Variants in EPHA3 observed in about 807,000 individuals in gnomAD.
The protein encoded by EPHA3 is EPH receptor A3.
Under a neutral mutation model 107.1 loss-of-function variants are expected in EPHA3, and 42 were observed. That is an observed-to-expected ratio of 0.39 (90% confidence interval 0.31 to 0.51). The LOEUF is 0.51. Ranked by LOEUF, EPHA3 falls within the 20% of genes least tolerant of loss-of-function variation. The pLI, the probability that EPHA3 is intolerant of heterozygous loss-of-function variation, is 0.78. For missense variants in EPHA3, 1,183 were observed against 1,211.2 expected (o/e 0.98, Z 0.35); for synonymous variants, 461 against 424.8 (o/e 1.09, Z -1.05).
At chr3:89,352,155 G>A (rs1381710319) in intron 5 of EPHA3, among the ~76,000 whole-genome samples, 2 of 151,086 alleles carry the variant, frequency 1.3e-5, no homozygotes, top group Admixed American at 6.6e-5. Flanking sequence ...CTATAATGAA[G>A]GAATTCCTAT....
intron 2 of EPHA3, among the ~76,000 whole-genome samples, chr3:89,183,567 C>T (rs1490427395): frequency 6.6e-6 from 1 of 151,876 alleles, no homozygotes; most frequent in Non-Finnish European, 1.5e-5. Flanking sequence ...GCCTAAAGTT[C>T]TGAAGTACTC....
chr3:89,459,927 G>C (rs2107564929), intron 15 of EPHA3, among the ~76,000 whole-genome samples: 1 of 152,170 alleles, frequency 6.6e-6, no homozygotes, highest in Non-Finnish European at 1.5e-5. Context: ...CCAACACATT[G>C]TTTTGTACAT....
At chr3:89,252,787 G>C (rs1705194225) in intron 3 of EPHA3, among the ~76,000 whole-genome samples, 1 of 151,282 alleles carries the variant, frequency 6.6e-6, no homozygotes, top group African/African-American at 2.4e-5. Context: ...GTCAACATCA[G>C]ATACAATATG....
At chr3:89,302,877 A>G (rs1005687805) in intron 3 of EPHA3, among the ~76,000 whole-genome samples, 2 of 151,878 alleles carry the variant, frequency 1.3e-5, no homozygotes, top group African/African-American at 4.8e-5. Context: ...GTAACACTTG[A>G]ACTTATTCTT....
intron 1 of EPHA3, among the ~76,000 whole-genome samples, chr3:89,112,598 A>T (rs914279346): frequency 6.6e-6 from 1 of 152,050 alleles, no homozygotes; most frequent in African/African-American, 2.4e-5. Context: ...TAAAGGCAAA[A>T]TATATTTCCA....
At position 89,450,265 on chromosome 3, in the gene EPHA3, A is replaced by G; in HGVS notation, c.2585A>G (p.Gln862Arg). 1 of 1,614,060 alleles carries G rather than the reference A, an allele frequency of 6.2e-7. No individual in the cohort carries two copies. Among genetic ancestry groups the G allele is most frequent in the East Asian group, 2.2e-5 (1 of 44,860 alleles). The part of the protein sequence containing the change: ...ALYQLMLDCW[Q>R]KDRNNRPKFE... ...TATCAGCTGATGCTGGACTGCTGGC[A>G]GAAAGACAGGAACAACAGACCCAAG... Residue 862 changes from glutamine (Q) to arginine (R), a missense_variant, in exon 15 of 17, where the codon CAG becomes CGG. Gln to Arg is a conservative substitution (Grantham distance 43, BLOSUM62 1). Transcript: ENST00000336596.
At position 89,341,741 on chromosome 3, in the gene EPHA3, G is replaced by C; in HGVS notation, c.971-14G>C. The C allele has an allele frequency of 6.3e-7, 1 of 1,585,462 alleles. No individual in the cohort carries two copies. Among genetic ancestry groups the C allele is most frequent in the East Asian group, 2.2e-5 (1 of 44,628 alleles). On this transcript the variant is annotated splice_polypyrimidine_tract_variant and intron_variant, in intron 4 of 16. Transcript: ENST00000336596. ...GAAGTGAGGCTCATTAATCTTTGTT[G>C]AACTACTTTGCAGGACCTCCATCTT...
At chr3:89,208,462 GA>G (rs372677692) in intron 2 of EPHA3, among the ~76,000 whole-genome samples, 52 of 104,456 alleles carry the variant, frequency 5.0e-4, no homozygotes, top group Non-Finnish European at 6.6e-4. Flanking sequence ...AAGAAAGAAA[GA>G]AAGAAAGAAA....
chr3:89,341,716 G>A, intron 4 of EPHA3, 39 bp from the exon 5 acceptor site: 1 of 1,487,274 alleles, frequency 6.7e-7, no homozygotes. Flanking sequence ...GTAGAAAACA[G>A]AAGTGAGGCT....
At chr3:89,408,009 A>T in intron 8 of EPHA3, 58 bp from the exon 9 acceptor site, 13 of 1,476,284 alleles carry the variant, frequency 8.8e-6, no homozygotes, top group Non-Finnish European at 1.2e-5. Flanking sequence ...TTCTGAGCAT[A>T]GGTAACTATT....
chr3:89,142,131 C>T (rs1168793168), intron 2 of EPHA3, among the ~76,000 whole-genome samples: 2 of 151,246 alleles, frequency 1.3e-5, no homozygotes, highest in Admixed American at 6.6e-5. Context: ...ATACTCATGA[C>T]ATTTGGTTGA....
At position 89,178,456 on chromosome 3, in the gene EPHA3, A is replaced by G. The variant is rs565332555; in HGVS notation, c.154-31404A>G. Among the ~76,000 whole-genome samples the G allele has an allele frequency of 4.6e-5, 7 of 152,144 alleles. No individual in the cohort carries two copies. The East Asian group carries it at 1.2e-3, about 25-fold the overall frequency. ...AATAGGAGTCTGGCTGTGGAGTTAT[A>G]TGTCATAGCAAAGATGTACCAACTG... is the stretch of plus-strand genomic sequence containing the variant. On this transcript the variant is annotated intron_variant, in intron 2 of 16. Transcript: ENST00000336596.
intron 15 of EPHA3, among the ~76,000 whole-genome samples, chr3:89,467,547 G>A (rs1024206619): frequency 6.6e-6 from 1 of 152,120 alleles, no homozygotes; most frequent in South Asian, 2.1e-4. Context: ...TTCTAAGGTA[G>A]CATTGAAATA....
intron 2 of EPHA3, among the ~76,000 whole-genome samples, chr3:89,152,643 G>C (rs1309358811): frequency 6.6e-6 from 1 of 151,990 alleles, no homozygotes; most frequent in Non-Finnish European, 1.5e-5. Flanking sequence ...AAAAGAACGT[G>C]CTTACATTTT....
At chr3:89,279,029 C>T (rs1293953573) in intron 3 of EPHA3, among the ~76,000 whole-genome samples, 1 of 151,908 alleles carries the variant, frequency 6.6e-6, no homozygotes. Context: ...GTTTTTTTCC[C>T]CTCACATTTT....
intron 3 of EPHA3, among the ~76,000 whole-genome samples, chr3:89,268,406 G>T (rs1041595466): frequency 3.9e-5 from 6 of 152,028 alleles, no homozygotes; most frequent in Admixed American, 2.6e-4. Flanking sequence ...AATAAGAAAG[G>T]TTCGCTCATC....
At chr3:89,355,693 A>C (rs1297503410) in intron 5 of EPHA3, among the ~76,000 whole-genome samples, 2 of 150,812 alleles carry the variant, frequency 1.3e-5, no homozygotes, top group African/African-American at 4.8e-5. Flanking sequence ...AAATAAAATG[A>C]GAGAGCATTT....
At chr3:89,159,636 G>A (rs1576192989) in intron 2 of EPHA3, among the ~76,000 whole-genome samples, 1 of 152,128 alleles carries the variant, frequency 6.6e-6, no homozygotes, top group Non-Finnish European at 1.5e-5. Context: ...TAAGTGAGGT[G>A]TATTTGATGA....
At chr3:89,238,169 A>G (rs966808535) in intron 3 of EPHA3, among the ~76,000 whole-genome samples, 1 of 152,174 alleles carries the variant, frequency 6.6e-6, no homozygotes, top group African/African-American at 2.4e-5. Context: ...ATTCACCAGT[A>G]TGTTGATTAT....
Sources: gnomAD v4.1 joint callset for allele counts (sites outside exome capture counted in the v4.1 genomes callset) on GRCh38, gnomAD v4.1.1 for gene constraint, MANE v1.5 for transcripts, NCBI Gene and HGNC (gene_info 2026-07-23, HGNC 2026-07-21) for gene names.